Variants in KIAA1549L observed in about 807,000 individuals in gnomAD.
The protein encoded by KIAA1549L is UPF0606 protein KIAA1549L.
KIAA1549L carries 88 observed loss-of-function variants against 160.7 expected under a neutral mutation model. The ratio of observed to expected loss-of-function variants is 0.55; its 90% confidence interval spans 0.46 to 0.65. The LOEUF is 0.65. Ranked by LOEUF, KIAA1549L falls within the 30% of genes least tolerant of loss-of-function variation. The pLI is 0.00. For synonymous variants in KIAA1549L, 950 were observed against 976.7 expected (o/e 0.97, Z 0.51); for missense variants, 2,258 against 2,437.5 (o/e 0.93, Z 1.55).
intron 1 of KIAA1549L, among the ~76,000 whole-genome samples, chr11:33,540,384 G>GT (rs1474594500): frequency 1.3e-5 from 2 of 152,296 alleles, no homozygotes; most frequent in African/African-American, 4.8e-5. Context: ...GGATTCTAAA[G>GT]TTTAACTGAA....
chr11:33,552,663 C>T (rs903691099), intron 6 of KIAA1549L, among the ~76,000 whole-genome samples: 22 of 131,802 alleles, frequency 1.7e-4, no homozygotes, highest in African/African-American at 7.8e-4. Context: ...AACACACACA[C>T]ACACACACAC....
intron 6 of KIAA1549L, among the ~76,000 whole-genome samples, 158 bp downstream of exon 6, chr11:33,552,399 G>A (rs1453193815): frequency 4.6e-5 from 7 of 152,158 alleles, no homozygotes; most frequent in African/African-American, 1.4e-4. Flanking sequence ...GGCCATGACA[G>A]GAGGGATGCT....
In KIAA1549L at chr11:33,606,202, A is replaced by G. The variant is rs913635591; in HGVS notation, c.4880-439A>G. 2.6e-5 allele frequency among the ~76,000 whole-genome samples: 4 copies of G among 152,172 alleles called. No individual in the cohort carries two copies. The East Asian group carries it at 7.7e-4, about 29-fold the overall frequency. ...AAGACTTGCTACTTTAACATCTTGTAAAGATTGGTAGCATTGGTGGCTGAA... is the reference window on the plus strand; with the variant it reads ...AAGACTTGCTACTTTAACATCTTGTGAAGATTGGTAGCATTGGTGGCTGAA... On this transcript the variant is annotated intron_variant, in intron 13 of 20. Coordinates refer to ENST00000658780, the MANE Select transcript of KIAA1549L (RefSeq NM_012194.3).
chr11:33,402,811 C>A (rs1352107032), intron 1 of KIAA1549L, among the ~76,000 whole-genome samples: 1 of 150,774 alleles, frequency 6.6e-6, no homozygotes, highest in Non-Finnish European at 1.5e-5. Context: ...ACTCCTGCCA[C>A]CCCCCCTAGC....
intron 1 of KIAA1549L, among the ~76,000 whole-genome samples, chr11:33,459,897 C>T (rs2132994777): frequency 7.1e-6 from 1 of 139,914 alleles, no homozygotes; most frequent in Admixed American, 7.6e-5. Context: ...GGAGGCAGAG[C>T]TTGCAGTGAG....
intron 9 of KIAA1549L, among the ~76,000 whole-genome samples, chr11:33,573,962 A>T (rs1855358751): frequency 6.6e-6 from 1 of 152,198 alleles, no homozygotes; most frequent in South Asian, 2.1e-4. Context: ...CTTTTGTTAT[A>T]TTTAAGGTCC....
chr11:33,540,288 A>G (rs1482359948), intron 1 of KIAA1549L, among the ~76,000 whole-genome samples: 1 of 152,232 alleles, frequency 6.6e-6, no homozygotes, highest in Admixed American at 6.5e-5. Flanking sequence ...CTGAATCCAT[A>G]AGTTGGACTC....
At chr11:33,428,367 A>G (rs1025282837) in intron 1 of KIAA1549L, among the ~76,000 whole-genome samples, 4 of 152,134 alleles carry the variant, frequency 2.6e-5, no homozygotes, top group Admixed American at 6.5e-5. Flanking sequence ...GGTTTGTTAC[A>G]TATGTATACA....
rs754838512 is a variant in KIAA1549L at position 33,583,376 on chromosome 11, G to T, written c.4441G>T (p.Ala1481Ser). 1 of 1,605,644 alleles carries T rather than the reference G, an allele frequency of 6.2e-7. No individual in the cohort carries two copies. The highest frequency in any genetic ancestry group is 2.2e-5 in the East Asian group (1 of 44,514). ...CCCGCCCAATAACCTGTGGATCATC[G>T]CTGCAGTGCTGGCGCCCATTGCCGT... ...KNPPNNLWIIAAVLAPIAVVT... is the reference protein window; with the variant it reads ...KNPPNNLWIISAVLAPIAVVT... The change falls in exon 11 of 21, where the codon GCT becomes TCT. Residue 1481 changes from alanine (A) to serine (S), a missense_variant. Ala to Ser is a moderately conservative substitution (Grantham distance 99). Around this residue, in one of 6 missense-constraint regions of KIAA1549L, gnomAD observed 1,359 missense variants for 1,546.6 expected, o/e 0.88. Coordinates refer to ENST00000658780, the MANE Select transcript of KIAA1549L (RefSeq NM_012194.3).
At position 33,583,368 on chromosome 11, in the gene KIAA1549L, G is replaced by A. The variant is rs1431994414; in HGVS notation, c.4433G>A (p.Trp1478Ter). The A allele has an allele frequency of 1.2e-6, 2 of 1,606,024 alleles. No homozygotes were observed. Among genetic ancestry groups the A allele is most frequent in the Non-Finnish European group, 1.7e-6 (2 of 1,176,436 alleles). The part of the protein sequence containing the change: ...PVVKNPPNNL[W>*]IIAAVLAPIA... ...GTGAAGAACCCGCCCAATAACCTGT[G>A]GATCATCGCTGCAGTGCTGGCGCCC... The change falls in exon 11 of 21, where the codon TGG (tryptophan) becomes TAG (stop). Residue 1478 changes from tryptophan to a stop codon, truncating the protein, a stop_gained. Transcript: ENST00000658780. LOFTEE classifies it high-confidence loss of function.
chr11:33,490,117 A>G (rs1293689695), intron 1 of KIAA1549L, among the ~76,000 whole-genome samples: 1 of 152,082 alleles, frequency 6.6e-6, no homozygotes. Context: ...CTTCATAACT[A>G]CTCAATAAGT....
chr11:33,412,645 G>A (rs1169064638), intron 1 of KIAA1549L, among the ~76,000 whole-genome samples: 1 of 152,232 alleles, frequency 6.6e-6, no homozygotes, highest in African/African-American at 2.4e-5. Context: ...CTCTATGACT[G>A]ATGGCAGGCT....
intron 16 of KIAA1549L, among the ~76,000 whole-genome samples, chr11:33,629,770 A>G (rs959638084): frequency 2.7e-5 from 4 of 150,692 alleles, no homozygotes; most frequent in African/African-American, 1.0e-4. Flanking sequence ...GATCGTCTGA[A>G]GCCTTCTTCT....
chr11:33,607,704 T>C (rs1315356004), intron 14 of KIAA1549L, among the ~76,000 whole-genome samples: 1 of 152,178 alleles, frequency 6.6e-6, no homozygotes, highest in Non-Finnish European at 1.5e-5. Flanking sequence ...TTAGTCTTTT[T>C]CCCATCACAC....
At chr11:33,486,316 C>T (rs1852525235) in intron 1 of KIAA1549L, among the ~76,000 whole-genome samples, 1 of 152,102 alleles carries the variant, frequency 6.6e-6, no homozygotes, top group South Asian at 2.1e-4. Flanking sequence ...AATAAAACTA[C>T]CATATGATCC....
rs768319175 is a variant in KIAA1549L at position 33,606,640 on chromosome 11, G to A, written c.4880-1G>A. The A allele has an allele frequency of 1.2e-6, 2 of 1,613,636 alleles. No individual in the cohort carries two copies. The highest frequency in any genetic ancestry group is 1.3e-5 in the African/African-American group (1 of 74,916). On this transcript the variant is annotated splice_acceptor_variant, in intron 13 of 20. Transcript: ENST00000658780. LOFTEE classifies it high-confidence loss of function. ...ATCGATGTGTTTATGTTGTGCTTCA[G>A]TGCCAGCGAGTGACGAAGAGGAGGG... is the stretch of plus-strand genomic sequence containing the variant.
chr11:33,472,616 C>T (rs1377434639), intron 1 of KIAA1549L, among the ~76,000 whole-genome samples: 2 of 152,120 alleles, frequency 1.3e-5, no homozygotes, highest in African/African-American at 4.8e-5. Context: ...TACAGAGGCT[C>T]CTGTCTCTGT....
At position 33,558,594 on chromosome 11, in the gene KIAA1549L, C is replaced by T. The variant is rs12223613; in HGVS notation, c.3856-1155C>T. On this transcript the variant is annotated intron_variant, in intron 6 of 20. Transcript: ENST00000658780. Reference sequence around the variant, plus strand: ...AGAAATTCACAAAAAAAGGCCTCACCAAGTTGAATGACTTCCTACTAACGA... The same window carrying T: ...AGAAATTCACAAAAAAAGGCCTCACTAAGTTGAATGACTTCCTACTAACGA... 5.3e-5 allele frequency among the ~76,000 whole-genome samples: 8 copies of T among 152,224 alleles called. No individual in the cohort carries two copies. The East Asian group carries it at 1.5e-3, about 29-fold the overall frequency.
At chr11:33,599,802 T>G (rs1226912287) in intron 13 of KIAA1549L, among the ~76,000 whole-genome samples, 5 of 152,208 alleles carry the variant, frequency 3.3e-5, no homozygotes, top group Non-Finnish European at 5.9e-5. Flanking sequence ...CCAGCACTAC[T>G]GATTTCATAT....
Sources: gnomAD v4.1 joint callset for allele counts (sites outside exome capture counted in the v4.1 genomes callset) on GRCh38, gnomAD v4.1.1 for gene constraint, gnomAD v4.1.1 regional missense constraint, MANE v1.5 for transcripts, NCBI Gene and HGNC (gene_info 2026-07-23, HGNC 2026-07-21) for gene names.